LSM11: variants seen among roughly 807,000 people sequenced by gnomAD.
LSM11 encodes the protein U7 snRNA-associated Sm-like protein LSm11.
Under a neutral mutation model 28.1 loss-of-function variants are expected in LSM11, and 14 were observed. That is an observed-to-expected ratio of 0.50 (90% CI 0.33 to 0.78). The LOEUF (loss-of-function observed/expected upper bound fraction) is 0.78, where lower values mean the gene tolerates loss of function less well. LSM11 is among the 30% of genes least tolerant of loss of function. The probability of loss-of-function intolerance (pLI) is 0.02; values close to 1 mark genes in which losing one functional copy is unlikely to be tolerated. For missense variants in LSM11, 495 were observed against 510.6 expected (o/e 0.97, Z 0.30); for synonymous variants, 207 against 214.2 (o/e 0.97, Z 0.30).
chr5:157,749,874 G>A (rs189731390), intron 1 of LSM11, among the ~76,000 whole-genome samples: 253 of 152,280 alleles, frequency 1.7e-3, no homozygotes, highest in Non-Finnish European at 2.6e-3. Context: ...GAGGGATAAG[G>A]TGGCTTCAGG....
rs749816505 is a variant in LSM11, at chr5:157,751,489, G to A, written c.548G>A (p.Cys183Tyr). 10 of 1,612,888 alleles carry A rather than the reference G, an allele frequency of 6.2e-6. No individual in the cohort carries two copies. The highest frequency in any genetic ancestry group is 1.1e-5 in the South Asian group (1 of 90,850). ...ACTTTCAAGGGACTTCGGGGCGTCT[G>A]TACAGGCTTCCTTGTTGCATTCGAC... is the stretch of plus-strand genomic sequence containing the variant. ...IRTFKGLRGV[C>Y]TGFLVAFDKF... Residue 183 changes from cysteine (C) to tyrosine (Y), a missense_variant, in exon 2 of 4, where the codon TGT (cysteine) becomes TAT (tyrosine). Transcript: ENST00000286307.
rs775969812 is a variant in LSM11, at chr5:157,743,912, C to G, written c.162C>G (p.Asn54Lys). Residue 54 changes from asparagine to lysine, a missense_variant, in exon 1 of 4, where the codon AAC becomes AAG. Transcript: ENST00000286307. ...CCTACCCCAATGCCCCCTGCTTCAA[C>G]AACGTGGCGGAGTACGAGAGCTTCC... is the stretch of plus-strand genomic sequence containing the variant. ...PIPYPNAPCFNNVAEYESFLR... is the reference protein window; with the variant it reads ...PIPYPNAPCFKNVAEYESFLR... The G allele has an allele frequency of 1.3e-6, 2 of 1,518,354 alleles. No homozygotes were observed. The highest frequency in any genetic ancestry group is 1.4e-5 in the African/African-American group (1 of 69,956). 94.1% of individuals were successfully genotyped at this position (1,518,354 alleles called of 1,614,324 possible).
At position 157,743,778 on chromosome 5, in the gene LSM11, T is replaced by C; in HGVS notation, c.28T>C (p.Ser10Pro). 1 of 1,415,246 alleles carries C rather than the reference T, an allele frequency of 7.1e-7. No homozygotes were observed. Among genetic ancestry groups the C allele is most frequent in the Non-Finnish European group, 9.2e-7 (1 of 1,086,816 alleles). The allele number at this position is 1,415,246 out of a possible 1,614,324, so 87.7% of individuals were successfully genotyped here. A position where few individuals can be genotyped will look rare whatever the true frequency, so the allele number is the denominator to read the frequency against. The change falls in exon 1 of 4, where the codon TCG becomes CCG. Residue 10 changes from serine to proline, a missense_variant. By Grantham distance (74) the Ser-to-Pro change is moderately conservative. Transcript: ENST00000286307. MEERERGAR[S>P]AGAGSPARPP... ...GGAGGAGCGGGAGCGGGGGGCGAGG[T>C]CGGCTGGCGCCGGGAGCCCCGCGCG...
intron 1 of LSM11, among the ~76,000 whole-genome samples, chr5:157,747,053 A>G (rs1413378579): frequency 2.6e-5 from 4 of 152,252 alleles, no homozygotes; most frequent in Non-Finnish European, 5.9e-5. Context: ...CACAAGCTGT[A>G]CTTGCAAGTG....
At position 157,757,942 on chromosome 5, in the gene LSM11, A is replaced by C. The variant is rs912090617; in HGVS notation, c.*2678A>C. 5.9e-5 allele frequency: 9 copies of C among 152,186 alleles called. No homozygotes were observed. The highest frequency in any genetic ancestry group is 5.9e-4 in the Admixed American group (9 of 15,270). The allele number at this position is 152,186 out of a possible 1,614,324, so 9.4% of individuals were successfully genotyped here. ...CCAACATGACAATTCTGGCTATGAA[A>C]ATTATGTTTAAACTGTGTATGATCT... On this transcript the variant is annotated 3_prime_UTR_variant, in exon 4 of 4. Transcript: ENST00000286307.
intron 1 of LSM11, among the ~76,000 whole-genome samples, chr5:157,749,286 T>A (rs1210451087): frequency 2.0e-5 from 3 of 152,202 alleles, no homozygotes; most frequent in African/African-American, 7.2e-5. Context: ...AAAATAGTCT[T>A]TCCACTCTTT....
intron 1 of LSM11, among the ~76,000 whole-genome samples, chr5:157,746,650 C>T (rs1245018545): frequency 6.6e-6 from 1 of 152,194 alleles, no homozygotes; most frequent in African/African-American, 2.4e-5. Flanking sequence ...TGGCTCACAC[C>T]TGTAATCCCA....
At position 157,756,295 on chromosome 5, in the gene LSM11, A is replaced by G. The variant is rs1189590002; in HGVS notation, c.*1031A>G. On this transcript the variant is annotated 3_prime_UTR_variant, in exon 4 of 4. Transcript: ENST00000286307. The stretch of plus-strand genomic sequence containing the variant: ...GAAGTTCTTACAAAGTACAGTGGGT[A>G]GTGTCTAAAGCGACACTTTACTCAC... 1 of 152,700 alleles carries G rather than the reference A, an allele frequency of 6.5e-6. No individual in the cohort carries two copies. Among genetic ancestry groups the G allele is most frequent in the Non-Finnish European group, 1.5e-5 (1 of 68,062 alleles). The allele number at this position is 152,700 out of a possible 1,614,324, so 9.5% of individuals were successfully genotyped here.
intron 3 of LSM11, 102 bp from the exon 4 acceptor site, chr5:157,754,752 G>A: frequency 2.2e-6 from 2 of 905,536 alleles, no homozygotes; most frequent in African/African-American, 1.7e-5. Flanking sequence ...AAAGCAAGGA[G>A]TCCACAGAAC....
At position 157,757,692 on chromosome 5, in the gene LSM11, G is replaced by A. The variant is rs762301253; in HGVS notation, c.*2428G>A. On this transcript the variant is annotated 3_prime_UTR_variant, in exon 4 of 4. Coordinates refer to ENST00000286307, the MANE Select transcript of LSM11 (RefSeq NM_173491.4). The stretch of plus-strand genomic sequence containing the variant: ...AGGTTTAATCATCAGGCAACACTGC[G>A]TATACCTGTGTGGCTATCCTCATCT... The A allele has an allele frequency of 8.5e-5, 13 of 152,106 alleles. No homozygotes were observed. Among genetic ancestry groups the A allele is most frequent in the Non-Finnish European group, 1.5e-4 (10 of 68,016 alleles). The allele number at this position is 152,106 out of a possible 1,614,324, so 9.4% of individuals were successfully genotyped here.
At position 157,756,430 on chromosome 5, in the gene LSM11, A is replaced by AG. The variant is rs566293509; in HGVS notation, c.*1166_*1167insG. 3.9e-5 allele frequency: 6 copies of AG among 152,648 alleles called. No homozygotes were observed. Among genetic ancestry groups the AG allele is most frequent in the Non-Finnish European group, 7.3e-5 (5 of 68,038 alleles). 9.5% of individuals were successfully genotyped at this position (152,648 alleles called of 1,614,324 possible). Reference sequence around the variant, plus strand: ...GCAGAATAGGCTGCATTTGACACAGACTGTTAGGCAATATTGATTTTTTTG... The same window carrying AG: ...GCAGAATAGGCTGCATTTGACACAGAGCTGTTAGGCAATATTGATTTTTTTG... On this transcript the variant is annotated 3_prime_UTR_variant, in exon 4 of 4. Coordinates refer to ENST00000286307, the MANE Select transcript of LSM11 (RefSeq NM_173491.4).
chr5:157,749,012 C>T (rs552034583), intron 1 of LSM11, among the ~76,000 whole-genome samples: 4 of 152,176 alleles, frequency 2.6e-5, no homozygotes, highest in African/African-American at 7.2e-5. Context: ...TTTGCCTTGG[C>T]GGTTTGCTCT....
At position 157,744,117 on chromosome 5, in the gene LSM11, G is replaced by T; in HGVS notation, c.367G>T (p.Gly123Trp). The T allele has an allele frequency of 6.7e-7, 1 of 1,485,166 alleles. No homozygotes were observed. The highest frequency in any genetic ancestry group is 8.9e-7 in the Non-Finnish European group (1 of 1,122,870). 92.0% of individuals were successfully genotyped at this position (1,485,166 alleles called of 1,614,324 possible). A position where few individuals can be genotyped will look rare whatever the true frequency, so the allele number is the denominator to read the frequency against. Residue 123 changes from glycine (G) to tryptophan (W), a missense_variant, in exon 1 of 4, where the codon GGG (glycine) becomes TGG (tryptophan). Transcript: ENST00000286307. ...CCGTCTCATGGTGGCCAAAGAGGAA[G>T]GGGACGGGGCCGCAGGAGCGGGCCG... ...LRRLMVAKEE[G>W]DGAAGAGRRG... is the part of the protein sequence containing the mutation.
rs1003341651 is a variant in LSM11 at position 157,755,402 on chromosome 5, C to T, written c.*138C>T. The stretch of plus-strand genomic sequence containing the variant: ...TATGCAGAGGACGGAGCAGGCTCAG[C>T]CCCCTGGAAGATGAGCTCAAGGGGA... On this transcript the variant is annotated 3_prime_UTR_variant, in exon 4 of 4. Coordinates refer to ENST00000286307, the MANE Select transcript of LSM11 (RefSeq NM_173491.4). 1.0e-6 allele frequency: 1 copy of T among 981,202 alleles called. No individual in the cohort carries two copies. The highest frequency in any genetic ancestry group is 1.6e-5 in the African/African-American group (1 of 60,870). The allele number at this position is 981,202 out of a possible 1,614,324, so 60.8% of individuals were successfully genotyped here.
intron 1 of LSM11, among the ~76,000 whole-genome samples, chr5:157,748,809 A>G (rs1034748206): frequency 6.6e-6 from 1 of 152,242 alleles, no homozygotes; most frequent in African/African-American, 2.4e-5. Context: ...GGAAGAGTGG[A>G]GCTGAAAATG....
intron 1 of LSM11, among the ~76,000 whole-genome samples, chr5:157,748,424 G>A (rs1761177502): frequency 6.6e-6 from 1 of 152,202 alleles, no homozygotes; most frequent in South Asian, 2.1e-4. Context: ...GTTCTGGGAA[G>A]GCCTCTAAGA....
At position 157,754,857 on chromosome 5, in the gene LSM11, T is replaced by G. The variant is rs1357948721; in HGVS notation, c.676T>G (p.Phe226Val). The G allele has an allele frequency of 1.2e-6, 2 of 1,612,618 alleles. No homozygotes were observed. The highest frequency in any genetic ancestry group is 3.3e-5 in the Admixed American group (2 of 59,944). Residue 226 changes from phenylalanine (F) to valine (V), a missense_variant, in exon 4 of 4, where the codon TTT becomes GTT. Coordinates refer to ENST00000286307, the MANE Select transcript of LSM11 (RefSeq NM_173491.4). ...RDSSLTLTRL[F>V]DRLKLQDSSK... ...TTTATCATTGTTTGCTTTATAGCTA[T>G]TTGATCGGCTGAAACTTCAAGATTC... is the stretch of plus-strand genomic sequence containing the variant.
In LSM11 at chr5:157,754,953, A is replaced by C. The variant is rs1252977733; in HGVS notation, c.772A>C (p.Thr258Pro). 1 of 1,614,224 alleles carries C rather than the reference A, an allele frequency of 6.2e-7. No homozygotes were observed. The highest frequency in any genetic ancestry group is 8.5e-7 in the Non-Finnish European group (1 of 1,180,030). ...TCTGTCTAGATACTCACAGACATCC[A>C]CTTGGAAGTTGGCTTCAGTGTGGGG... ...STLSRYSQTS[T>P]WKLASVWGRA... Residue 258 changes from threonine to proline, a missense_variant, in exon 4 of 4, where the codon ACT (threonine) becomes CCT (proline). Transcript: ENST00000286307.
chr5:157,751,660 A>T (rs2113074372), intron 2 of LSM11, 131 bp downstream of exon 2: 1 of 1,069,936 alleles, frequency 9.3e-7, no homozygotes, highest in South Asian at 1.5e-5. Flanking sequence ...GAATTTTTGC[A>T]TACTTTTGGG....
Sources: allele counts gnomAD v4.1 joint callset (sites outside exome capture counted in the v4.1 genomes callset), GRCh38; gene constraint gnomAD v4.1.1; transcripts MANE v1.5; gene names NCBI Gene and HGNC (gene_info 2026-07-23, HGNC 2026-07-21).